Variants in LPAR1 observed in about 807,000 individuals in gnomAD.
The protein encoded by LPAR1 is LPA receptor 1.
A neutral mutation model predicts 23.8 loss-of-function variants in LPAR1; 5 were observed. That is an observed-to-expected ratio of 0.21 (90% CI 0.11 to 0.44). The LOEUF is 0.44. LPAR1 is among the 20% of genes least tolerant of loss of function. The pLI is 0.99. For synonymous variants in LPAR1, 160 were observed against 164.7 expected (o/e 0.97, Z 0.22); for missense variants, 311 against 482.8 (o/e 0.64, Z 3.33).
chr9:110,950,448 C>T (rs2095532887), intron 4 of LPAR1, among the ~76,000 whole-genome samples: 1 of 129,304 alleles, frequency 7.7e-6, no homozygotes, highest in Non-Finnish European at 1.6e-5. Context: ...CTGGGTGACA[C>T]AGTAAGACTC....
At chr9:110,951,679 T>C (rs2418122) in intron 4 of LPAR1, among the ~76,000 whole-genome samples, 37,196 of 151,998 alleles carry the variant, frequency 0.24, 4,838 homozygotes, top group Admixed American at 0.3. Context: ...GAAAGTAAAA[T>C]TTAGTACAAT....
chr9:110,954,997 A>C lies in LPAR1; in HGVS notation c.46-12829T>G, dbSNP rs1422483717. ...CCACTAAAGAAAACCACAAAACCAC[A>C]ATGATAAACAGTAAGAAAGAAAGGA... On this transcript the variant is annotated intron_variant, in intron 4 of 5. Coordinates refer to ENST00000683809, the MANE Select transcript of LPAR1 (RefSeq NM_001351411.2). Among the ~76,000 whole-genome samples the C allele has an allele frequency of 1.3e-5, 2 of 152,228 alleles. 1 individual carries two copies. The highest frequency in any genetic ancestry group is 4.8e-5 in the African/African-American group (2 of 41,472).
At chr9:110,943,650 A>T (rs2095260911) in intron 4 of LPAR1, among the ~76,000 whole-genome samples, 1 of 152,244 alleles carries the variant, frequency 6.6e-6, no homozygotes, top group South Asian at 2.1e-4. Flanking sequence ...ACTTGAGGTC[A>T]GAAGTTCGAG....
At chr9:110,964,204 G>C (rs1481806049) in intron 4 of LPAR1, among the ~76,000 whole-genome samples, 1 of 152,152 alleles carries the variant, frequency 6.6e-6, no homozygotes, top group Non-Finnish European at 1.5e-5. Flanking sequence ...AGAAAATAAA[G>C]AGAGGAAGTG....
At chr9:110,905,026 A>G (rs553155790) in intron 5 of LPAR1, among the ~76,000 whole-genome samples, 55 of 152,332 alleles carry the variant, frequency 3.6e-4, no homozygotes, top group African/African-American at 1.3e-3. Context: ...GGAATTATTC[A>G]TTTCTTTCCC....
intron 2 of LPAR1, among the ~76,000 whole-genome samples, chr9:110,993,258 A>G (rs536294698): frequency 6.6e-6 from 1 of 152,286 alleles, no homozygotes; most frequent in East Asian, 1.9e-4. Context: ...ATTTCTCCTA[A>G]TGCTATCCCT....
chr9:110,934,326 T>A (rs886155347), intron 5 of LPAR1: 1 of 152,208 alleles, frequency 6.6e-6, no homozygotes, highest in Non-Finnish European at 1.5e-5. Context: ...ATTCATCTCT[T>A]TGAGAGGATC....
intron 5 of LPAR1, among the ~76,000 whole-genome samples, chr9:110,892,098 A>C (rs188285556): frequency 1.1e-4 from 17 of 152,400 alleles, no homozygotes; most frequent in Admixed American, 9.1e-4. Context: ...TGCCCAGAGC[A>C]AAATATTTGT....
Position 110,902,255 on chromosome 9 carries a change from G to T in LPAR1, c.794-26533C>A, listed in dbSNP as rs148315985. Among the ~76,000 whole-genome samples the T allele has an allele frequency of 3.6e-3, 552 of 152,094 alleles. 2 individuals carry two copies. The highest frequency in any genetic ancestry group is 0.012 in the African/African-American group (514 of 41,490). Reference sequence around the variant, plus strand: ...GTACTAGCCAGGGAAAATGGAGCAGGAGCCATGCTGATATTGTTTGGCTGT... The same window carrying T: ...GTACTAGCCAGGGAAAATGGAGCAGTAGCCATGCTGATATTGTTTGGCTGT... On this transcript the variant is annotated intron_variant, in intron 5 of 5. Coordinates refer to ENST00000683809, the MANE Select transcript of LPAR1 (RefSeq NM_001351411.2).
At chr9:110,898,000 C>G (rs577776283) in intron 5 of LPAR1, among the ~76,000 whole-genome samples, 85 of 152,172 alleles carry the variant, frequency 5.6e-4, no homozygotes, top group African/African-American at 1.9e-3. Context: ...TCAAGAAACC[C>G]TAGTAATTAG....
At chr9:110,973,674 A>G (rs1229137560) in intron 2 of LPAR1, 116 bp from the exon 3 acceptor site, 4 of 152,194 alleles carry the variant, frequency 2.6e-5, no homozygotes, top group Admixed American at 1.3e-4. Context: ...GAAAACTCAG[A>G]AAGATGCTAA....
intron 2 of LPAR1, among the ~76,000 whole-genome samples, chr9:111,001,942 A>C (rs557972424): frequency 4.2e-4 from 64 of 152,330 alleles, no homozygotes; most frequent in Admixed American, 1.4e-3. Context: ...GATGCCAACT[A>C]ATCAATACCC....
chr9:110,897,504 C>A (rs1346839953), intron 5 of LPAR1, among the ~76,000 whole-genome samples: 1 of 152,190 alleles, frequency 6.6e-6, no homozygotes, highest in Non-Finnish European at 1.5e-5. Flanking sequence ...CCTTTCAACC[C>A]CCTTAGCATG....
At chr9:110,957,434 C>T (rs1263579949) in intron 4 of LPAR1, among the ~76,000 whole-genome samples, 1 of 151,808 alleles carries the variant, frequency 6.6e-6, no homozygotes, top group African/African-American at 2.4e-5. Context: ...GATGGTTCAA[C>T]ATATGCAAAT....
intron 5 of LPAR1, among the ~76,000 whole-genome samples, chr9:110,935,581 G>A (rs1004622243): frequency 9.9e-5 from 15 of 152,092 alleles, no homozygotes; most frequent in African/African-American, 3.4e-4. Context: ...TTGAGCTCAC[G>A]AGTTCAACAC....
intron 5 of LPAR1, among the ~76,000 whole-genome samples, chr9:110,908,340 TTAAC>T (rs1290638329): frequency 1.3e-5 from 2 of 149,280 alleles, no homozygotes; most frequent in Admixed American, 6.7e-5. Flanking sequence ...TATATTATAA[TTAAC>T]TATATATTAA....
chr9:110,915,427 C>T (rs1427636044), intron 5 of LPAR1, among the ~76,000 whole-genome samples: 3 of 152,094 alleles, frequency 2.0e-5, no homozygotes, highest in Non-Finnish European at 2.9e-5. Flanking sequence ...ATCCCAGCTA[C>T]TTGGAAGGCT....
intron 5 of LPAR1, among the ~76,000 whole-genome samples, chr9:110,876,511 T>C (rs982863683): frequency 6.6e-6 from 1 of 152,222 alleles, no homozygotes; most frequent in Non-Finnish European, 1.5e-5. Flanking sequence ...ATCCCCATTG[T>C]ACAGATGAAG....
At chr9:111,014,343 G>A (rs190594626) in intron 2 of LPAR1, among the ~76,000 whole-genome samples, 4 of 152,024 alleles carry the variant, frequency 2.6e-5, no homozygotes, top group Non-Finnish European at 5.9e-5. Context: ...TTCTCTCGGC[G>A]CCTCTTCCAA....
Sources: allele counts gnomAD v4.1 joint callset (sites outside exome capture counted in the v4.1 genomes callset), GRCh38; gene constraint gnomAD v4.1.1; transcripts MANE v1.5; gene names NCBI Gene and HGNC (gene_info 2026-07-23, HGNC 2026-07-21).